The following ATRNL1 variants were observed in gnomAD, a reference collection of about 807,000 sequenced individuals.
ATRNL1 encodes attractin-like protein 1.
A neutral mutation model predicts 182.7 loss-of-function variants in ATRNL1; 95 were observed. The observed-to-expected ratio is 0.52, with a 90% CI of 0.44 to 0.62. The LOEUF (loss-of-function observed/expected upper bound fraction) is 0.62, where lower values mean the gene tolerates loss of function less well. Among genes scored for constraint, ATRNL1 ranks in the 20% least tolerant of loss-of-function variants. The probability of loss-of-function intolerance (pLI) is 0.00; values close to 1 mark genes in which losing one functional copy is unlikely to be tolerated. For synonymous variants in ATRNL1, 576 were observed against 568.3 expected (o/e 1.01, Z -0.19); for missense variants, 1,471 against 1,679.5 (o/e 0.88, Z 2.17).
At chr10:115,316,146 C>T (rs1164313313) in intron 18 of ATRNL1, among the ~76,000 whole-genome samples, 2 of 152,118 alleles carry the variant, frequency 1.3e-5, no homozygotes, top group African/African-American at 4.8e-5. Flanking sequence ...GCATGTTGTT[C>T]CCCTCCCTGT....
chr10:115,738,644 G>T (rs1555066827), intron 27 of ATRNL1, among the ~76,000 whole-genome samples: 1 of 152,036 alleles, frequency 6.6e-6, no homozygotes, highest in East Asian at 1.9e-4. Flanking sequence ...GGAAATGTCA[G>T]ATTTGTAGTA....
At chr10:115,915,291 G>T (rs1017720307) in intron 28 of ATRNL1, among the ~76,000 whole-genome samples, 2 of 151,940 alleles carry the variant, frequency 1.3e-5, no homozygotes, top group African/African-American at 4.8e-5. Flanking sequence ...CCAGCTACTC[G>T]GGAGGCTGAG....
At chr10:115,664,505 T>A (rs1860886699) in intron 26 of ATRNL1, among the ~76,000 whole-genome samples, 1 of 152,194 alleles carries the variant, frequency 6.6e-6, no homozygotes, top group African/African-American at 2.4e-5. Context: ...GTATTTTGCT[T>A]ATTAAATATA....
In ATRNL1 at chr10:115,156,651, C is replaced by A. The variant is rs550743905; in HGVS notation, c.830-3389C>A. 8.5e-5 allele frequency among the ~76,000 whole-genome samples: 13 copies of A among 152,064 alleles called. No individual in the cohort carries two copies. The South Asian group carries it at 2.5e-3, about 29-fold the overall frequency. Reference sequence around the variant, plus strand: ...TTTGGTTTTTTAAAACTGTGCATAACCTGCGGAGAAGATTCTTTTTGAAAT... The same window carrying A: ...TTTGGTTTTTTAAAACTGTGCATAAACTGCGGAGAAGATTCTTTTTGAAAT... On this transcript the variant is annotated intron_variant, in intron 5 of 28. Transcript: ENST00000355044.
chr10:115,274,897 C>T (rs781885514), intron 13 of ATRNL1, among the ~76,000 whole-genome samples: 72 of 152,170 alleles, frequency 4.7e-4, no homozygotes, highest in Non-Finnish European at 7.8e-4. Context: ...TATTACCACT[C>T]GGTTAAGCTT....
chr10:115,917,189 G>A (rs981717131), intron 28 of ATRNL1, among the ~76,000 whole-genome samples: 1 of 151,806 alleles, frequency 6.6e-6, no homozygotes, highest in Admixed American at 6.6e-5. Context: ...AAACGGGGCC[G>A]GCTGGGAGCG....
chr10:115,426,195 A>G (rs1164194402), intron 20 of ATRNL1, 55 bp from the exon 21 acceptor site: 1 of 1,430,262 alleles, frequency 7.0e-7, no homozygotes, highest in African/African-American at 1.4e-5. Flanking sequence ...GAAGAAAAAC[A>G]TGAGGCTTTT....
chr10:115,760,589 A>G (rs988395544), intron 27 of ATRNL1, among the ~76,000 whole-genome samples: 1 of 152,138 alleles, frequency 6.6e-6, no homozygotes, highest in African/African-American at 2.4e-5. Flanking sequence ...TGTTGGTATA[A>G]TTAAGCCATT....
At chr10:115,523,236 G>A (rs145204135) in intron 25 of ATRNL1, among the ~76,000 whole-genome samples, 3 of 152,234 alleles carry the variant, frequency 2.0e-5, no homozygotes, top group South Asian at 2.1e-4. Context: ...ATGGGGCATG[G>A]CAATGTTGTC....
intron 28 of ATRNL1, among the ~76,000 whole-genome samples, chr10:115,895,296 C>T (rs1318555330): frequency 2.0e-5 from 3 of 152,140 alleles, no homozygotes; most frequent in Non-Finnish European, 4.4e-5. Context: ...ACTGGTCCAC[C>T]GGGGATACAG....
chr10:115,369,079 G>A (rs1354239626), intron 19 of ATRNL1, among the ~76,000 whole-genome samples: 2 of 151,724 alleles, frequency 1.3e-5, no homozygotes, highest in Non-Finnish European at 2.9e-5. Flanking sequence ...TTTTTAACCT[G>A]GCTTATTTTC....
At chr10:115,659,826 T>C (rs1860564746) in intron 26 of ATRNL1, among the ~76,000 whole-genome samples, 1 of 152,028 alleles carries the variant, frequency 6.6e-6, no homozygotes, top group African/African-American at 2.4e-5. Flanking sequence ...AAGAAAAACA[T>C]ACTTACAAAA....
At chr10:115,773,373 G>T (rs879950268) in intron 27 of ATRNL1, among the ~76,000 whole-genome samples, 1 of 152,044 alleles carries the variant, frequency 6.6e-6, no homozygotes, top group East Asian at 1.9e-4. Context: ...GACTACAAAG[G>T]GAGCACAAGA....
chr10:115,217,476 T>C (rs1458695359), intron 9 of ATRNL1, among the ~76,000 whole-genome samples: 1 of 152,134 alleles, frequency 6.6e-6, no homozygotes, highest in Non-Finnish European at 1.5e-5. Context: ...GTAATAATAA[T>C]GGGTATAGCA....
intron 20 of ATRNL1, among the ~76,000 whole-genome samples, chr10:115,403,257 CTTTTTTTTT>C: frequency 9.3e-6 from 1 of 107,436 alleles, no homozygotes; most frequent in Non-Finnish European, 1.7e-5. Flanking sequence ...TTACTCTCAT[CTTTTTTTTT>C]TTTTTTTTTT....
chr10:115,512,168 AATCTTCCTAATT>A (rs1374582343), intron 24 of ATRNL1, among the ~76,000 whole-genome samples: 3 of 151,910 alleles, frequency 2.0e-5, no homozygotes, highest in African/African-American at 7.2e-5. Flanking sequence ...AACAAATAGG[AATCTTCCTAATT>A]AGAACATAAT....
At chr10:115,875,673 T>C (rs145344942) in intron 28 of ATRNL1, among the ~76,000 whole-genome samples, 1 of 152,344 alleles carries the variant, frequency 6.6e-6, no homozygotes, top group East Asian at 1.9e-4. Flanking sequence ...CTTGTATGTA[T>C]TGAGCACTTA....
At chr10:115,918,115 T>G (rs1319610724) in intron 28 of ATRNL1, among the ~76,000 whole-genome samples, 140 of 130,942 alleles carry the variant, frequency 1.1e-3, no homozygotes, top group African/African-American at 3.7e-3. Flanking sequence ...TTTTTTTTTT[T>G]TTTTAAGACC....
At chr10:115,672,919 C>T (rs1945744776) in intron 26 of ATRNL1, among the ~76,000 whole-genome samples, 2 of 151,906 alleles carry the variant, frequency 1.3e-5, no homozygotes, top group Non-Finnish European at 2.9e-5. Context: ...TTTTTTCCTC[C>T]ACCCTCACCA....
Sources: gnomAD v4.1 joint callset for allele counts (sites outside exome capture counted in the v4.1 genomes callset) on GRCh38, gnomAD v4.1.1 for gene constraint, MANE v1.5 for transcripts, NCBI Gene and HGNC (gene_info 2026-07-23, HGNC 2026-07-21) for gene names.